FBXO36: variants seen among roughly 807,000 people sequenced by gnomAD.
FBXO36 encodes the protein F-box protein 36.
In FBXO36, 18 loss-of-function variants were observed where a neutral mutation model predicts 17.0. The ratio of observed to expected loss-of-function variants is 1.06; its 90% CI spans 0.73 to 1.57. The LOEUF (loss-of-function observed/expected upper bound fraction) is 1.57. Among genes scored for constraint, FBXO36 ranks in the 40% most tolerant of loss-of-function variants. The pLI is 0.00. For synonymous variants in FBXO36, 83 were observed against 85.3 expected, an observed-to-expected ratio of 0.97 and a Z score of 0.15; for missense variants, 229 against 221.9, an observed-to-expected ratio of 1.03 and a Z score of -0.20.
intron 2 of FBXO36, among the ~76,000 whole-genome samples, chr2:229,981,825 T>A (rs918229961): frequency 1.3e-5 from 2 of 151,964 alleles, no homozygotes; most frequent in Non-Finnish European, 2.9e-5. Flanking sequence ...TGAGAATGGA[T>A]AATTTATAAA....
intron 2 of FBXO36, among the ~76,000 whole-genome samples, chr2:229,988,348 T>C (rs1329062287): frequency 2.0e-5 from 3 of 152,252 alleles, no homozygotes; most frequent in South Asian, 4.1e-4. Context: ...TTTTATTTAC[T>C]GTTCCAGTGT....
chr2:229,954,666 G>A (rs1260710091), intron 1 of FBXO36, among the ~76,000 whole-genome samples: 1 of 149,138 alleles, frequency 6.7e-6, no homozygotes, highest in Non-Finnish European at 1.5e-5. Context: ...TCCTGCCTCA[G>A]CCTCCCAAGT....
intron 1 of FBXO36, among the ~76,000 whole-genome samples, chr2:229,931,559 C>T (rs1231526349): frequency 6.6e-6 from 1 of 152,132 alleles, no homozygotes; most frequent in Non-Finnish European, 1.5e-5. Context: ...TGATGTTTCA[C>T]GACCGGCATG....
At chr2:229,940,822 C>T (rs1418137368) in intron 1 of FBXO36, among the ~76,000 whole-genome samples, 1 of 152,096 alleles carries the variant, frequency 6.6e-6, no homozygotes, top group Non-Finnish European at 1.5e-5. Context: ...GGACTTCTAT[C>T]CCCAGAATCG....
chr2:229,959,120 C>CT (rs927503609), intron 1 of FBXO36, among the ~76,000 whole-genome samples: 1 of 151,966 alleles, frequency 6.6e-6, no homozygotes, highest in African/African-American at 2.4e-5. Context: ...GCTTATATGA[C>CT]TTTTTTTTCT....
intron 2 of FBXO36, among the ~76,000 whole-genome samples, chr2:229,982,839 C>T (rs1577354405): frequency 6.6e-6 from 1 of 150,954 alleles, no homozygotes; most frequent in East Asian, 1.9e-4. Flanking sequence ...TTACTTTTGC[C>T]GTGTGAGGTC....
chr2:229,965,372 A>G (rs979812018), intron 1 of FBXO36, among the ~76,000 whole-genome samples: 2 of 148,732 alleles, frequency 1.3e-5, no homozygotes, highest in Non-Finnish European at 3.0e-5. Context: ...TATTTTTTAT[A>G]TATTTATATT....
intron 1 of FBXO36, among the ~76,000 whole-genome samples, chr2:229,933,905 C>T (rs1372184000): frequency 6.6e-6 from 1 of 151,736 alleles, no homozygotes; most frequent in Non-Finnish European, 1.5e-5. Flanking sequence ...AGGCTGGTCT[C>T]GAACTCCTGA....
rs1468432217 is a variant in FBXO36, at chr2:230,011,946, T to G, written c.*1062T>G. 6.6e-6 allele frequency: 1 copy of G among 152,204 alleles called. No individual in the cohort carries two copies. The highest frequency in any genetic ancestry group is 1.5e-5 in the Non-Finnish European group (1 of 68,036). The allele number at this position is 152,204 out of a possible 1,614,324, so 9.4% of individuals were successfully genotyped here. ...GAAAGGTCACTTCACTGAGAAGGCTTACTTAAAAATGTTTTTCTCCCTGCA... is the reference window on the plus strand; with the variant it reads ...GAAAGGTCACTTCACTGAGAAGGCTGACTTAAAAATGTTTTTCTCCCTGCA... On this transcript the variant is annotated 3_prime_UTR_variant, in exon 4 of 4. Transcript: ENST00000283946.
At chr2:229,999,157 T>C (rs1249052678) in intron 3 of FBXO36, among the ~76,000 whole-genome samples, 34 of 137,928 alleles carry the variant, frequency 2.5e-4, no homozygotes, top group Middle Eastern at 4.1e-3. Context: ...GACAGAGTCT[T>C]TCTCTGTCGC....
At chr2:229,934,193 C>T (rs983970665) in intron 1 of FBXO36, among the ~76,000 whole-genome samples, 2 of 151,638 alleles carry the variant, frequency 1.3e-5, no homozygotes, top group Admixed American at 6.6e-5. Flanking sequence ...CAAGGTCAGG[C>T]GATCGAGACC....
intron 1 of FBXO36, among the ~76,000 whole-genome samples, chr2:229,954,030 AATTT>A (rs1560438736): frequency 6.6e-6 from 1 of 151,430 alleles, no homozygotes; most frequent in Non-Finnish European, 1.5e-5. Flanking sequence ...CACGCCAGCT[AATTT>A]ATTTATTTTT....
Position 229,970,223 on chromosome 2 carries a change from A to T in FBXO36, c.97-6018A>T, listed in dbSNP as rs575836625. On this transcript the variant is annotated intron_variant, in intron 1 of 3. Coordinates refer to ENST00000283946, the MANE Select transcript of FBXO36 (RefSeq NM_174899.5). Reference sequence around the variant, plus strand: ...CGAAAACCTACACACAAATGTTTATAAAAACTTTATTTGGGGCCGGGTGCA... The same window carrying T: ...CGAAAACCTACACACAAATGTTTATTAAAACTTTATTTGGGGCCGGGTGCA... Among the ~76,000 whole-genome samples the T allele has an allele frequency of 2.6e-5, 4 of 152,298 alleles. No homozygotes were observed. In the South Asian group the frequency reaches 8.3e-4, roughly 32 times the overall value.
intron 3 of FBXO36, among the ~76,000 whole-genome samples, chr2:230,000,044 G>C (rs536281684): frequency 6.6e-6 from 1 of 152,026 alleles, no homozygotes; most frequent in South Asian, 2.1e-4. Flanking sequence ...TTGAAATTTT[G>C]TGCTTGGTGC....
intron 1 of FBXO36, among the ~76,000 whole-genome samples, chr2:229,953,921 C>T (rs2077070472): frequency 6.6e-6 from 1 of 151,888 alleles, no homozygotes; most frequent in Admixed American, 6.6e-5. Flanking sequence ...GGTTGGAGTG[C>T]AGTGGCGTGA....
At chr2:229,956,768 C>G (rs2077090169) in intron 1 of FBXO36, among the ~76,000 whole-genome samples, 1 of 152,080 alleles carries the variant, frequency 6.6e-6, no homozygotes. Context: ...GAAAAAGGGA[C>G]AAGAGACAGA....
chr2:229,964,375 G>A (rs1449031314), intron 1 of FBXO36, among the ~76,000 whole-genome samples: 1 of 151,952 alleles, frequency 6.6e-6, no homozygotes, highest in Non-Finnish European at 1.5e-5. Flanking sequence ...TAATTCTTTG[G>A]TATCATTGAT....
intron 1 of FBXO36, among the ~76,000 whole-genome samples, chr2:229,963,505 C>T (rs562265556): frequency 1.7e-4 from 24 of 144,990 alleles, no homozygotes; most frequent in African/African-American, 4.9e-4. Context: ...AGTGCAGTGG[C>T]GTGATCTCAG....
chr2:229,965,468 G>A (rs2077147167), intron 1 of FBXO36, among the ~76,000 whole-genome samples: 1 of 151,096 alleles, frequency 6.6e-6, no homozygotes, highest in African/African-American at 2.4e-5. Context: ...TTGGTGTGCT[G>A]CACCCATTAA....
Sources: gnomAD v4.1 joint callset for allele counts (sites outside exome capture counted in the v4.1 genomes callset) on GRCh38, gnomAD v4.1.1 for gene constraint, MANE v1.5 for transcripts, NCBI Gene and HGNC (gene_info 2026-07-23, HGNC 2026-07-21) for gene names.